The following SLIT1 variants were observed in gnomAD, a reference collection of about 807,000 sequenced individuals.
SLIT1 encodes slit guidance ligand 1, also known as slit homolog 1 protein.
Under a neutral mutation model 186.1 loss-of-function variants are expected in SLIT1, and 66 were observed. That is an observed-to-expected ratio of 0.35 (90% CI 0.29 to 0.44). SLIT1 has a LOEUF of 0.44. SLIT1 is among the 20% of genes least tolerant of loss of function. The pLI, the probability that SLIT1 is intolerant of heterozygous loss-of-function variation, is 1.00. For missense variants in SLIT1, 1,638 were observed against 2,037.4 expected, an observed-to-expected ratio of 0.80 and a Z score of 3.77; for synonymous variants, 761 against 833.8, an observed-to-expected ratio of 0.91 and a Z score of 1.50.
intron 14 of SLIT1, among the ~76,000 whole-genome samples, chr10:97,048,494 G>T (rs559476265): frequency 6.6e-6 from 1 of 152,282 alleles, no homozygotes; most frequent in South Asian, 2.1e-4. Context: ...AAGAGAACTG[G>T]CTAAAAGTGG....
chr10:97,018,608 C>T lies in SLIT1; in HGVS notation c.2947G>A (p.Glu983Lys). The change falls in exon 28 of 37, where the codon GAG (glutamate) becomes AAG (lysine). Residue 983 changes from glutamate to lysine, a missense_variant. By Grantham distance (56) the Glu-to-Lys change is moderately conservative. Transcript: ENST00000266058. ...CENGGTCHAQEGEDAPFTCSC... is the reference protein window; with the variant it reads ...CENGGTCHAQKGEDAPFTCSC... ...CACGTGAACGGGGCATCCTCGCCCTCCTGTGCATGGCAGGTGCCCCCATTT... is the reference window on the plus strand; with the variant it reads ...CACGTGAACGGGGCATCCTCGCCCTTCTGTGCATGGCAGGTGCCCCCATTT... 6.3e-7 allele frequency: 1 copy of T among 1,591,860 alleles called. No homozygotes were observed. Among genetic ancestry groups the T allele is most frequent in the Non-Finnish European group, 8.6e-7 (1 of 1,169,208 alleles).
chr10:97,057,061 C>T (rs1031172440), intron 12 of SLIT1, 149 bp downstream of exon 12: 1 of 625,326 alleles, frequency 1.6e-6, no homozygotes. Context: ...TGGAGACTTT[C>T]TCAGCCCTAG....
At chr10:97,059,878 G>A (rs1405259859) in intron 10 of SLIT1, among the ~76,000 whole-genome samples, 2 of 152,182 alleles carry the variant, frequency 1.3e-5, no homozygotes, top group Admixed American at 6.5e-5. Flanking sequence ...CCAGGCTCAG[G>A]CTCAGCACTC....
rs1391340902 is a variant in SLIT1 at position 97,105,701 on chromosome 10, AG to A, written c.414-39616del. ...TCACAGGACCACAGGGCATCTCCGC[AG>A]GGTCTTAATTAAGGAACTTGAGGTG... On this transcript the variant is annotated intron_variant, in intron 4 of 36. Coordinates refer to ENST00000266058, the MANE Select transcript of SLIT1 (RefSeq NM_003061.3). Among the ~76,000 whole-genome samples, 40 of 152,326 alleles carry A rather than the reference AG, an allele frequency of 2.6e-4. 1 individual carries two copies. Among genetic ancestry groups the A allele is most frequent in the African/African-American group, 8.4e-4 (35 of 41,574 alleles).
At chr10:97,001,699 C>G (rs2134583926) in intron 36 of SLIT1, among the ~76,000 whole-genome samples, 1 of 152,122 alleles carries the variant, frequency 6.6e-6, no homozygotes, top group African/African-American at 2.4e-5. Context: ...CCTAGGGGAC[C>G]CTTAAGGTGC....
At chr10:97,160,760 G>A (rs550924165) in intron 3 of SLIT1, among the ~76,000 whole-genome samples, 3 of 152,156 alleles carry the variant, frequency 2.0e-5, no homozygotes, top group African/African-American at 7.2e-5. Flanking sequence ...TTGCTCTGTC[G>A]CCCAGGCTGG....
intron 25 of SLIT1, among the ~76,000 whole-genome samples, chr10:97,029,165 C>T (rs1848570464): frequency 6.6e-6 from 1 of 152,220 alleles, no homozygotes; most frequent in African/African-American, 2.4e-5. Flanking sequence ...AGGGCAACAC[C>T]TGTTACTATT....
At chr10:97,073,764 C>T (rs567615444) in intron 4 of SLIT1, among the ~76,000 whole-genome samples, 13 of 151,432 alleles carry the variant, frequency 8.6e-5, no homozygotes, top group African/African-American at 2.9e-4. Flanking sequence ...CGTGTGGTCT[C>T]GGGCAAGTCA....
chr10:97,047,556 T>C (rs1848744714), intron 16 of SLIT1, 134 bp downstream of exon 16: 2 of 855,138 alleles, frequency 2.3e-6, no homozygotes, highest in Admixed American at 4.4e-5. Flanking sequence ...AAGCCAGCAG[T>C]TGGTATGTCC....
chr10:97,105,662 C>T (rs1436840983), intron 4 of SLIT1, among the ~76,000 whole-genome samples: 1 of 152,178 alleles, frequency 6.6e-6, no homozygotes, highest in East Asian at 1.9e-4. Context: ...ACTGCCTAAC[C>T]AGATGTGGAT....
chr10:97,150,437 G>A (rs1464535521), intron 4 of SLIT1, among the ~76,000 whole-genome samples: 1 of 152,150 alleles, frequency 6.6e-6, no homozygotes, highest in Non-Finnish European at 1.5e-5. Flanking sequence ...AGACAGGGTC[G>A]ATAGGGTCAG....
At chr10:97,124,774 A>G (rs1589402774) in intron 4 of SLIT1, among the ~76,000 whole-genome samples, 1 of 152,306 alleles carries the variant, frequency 6.6e-6, no homozygotes, top group Non-Finnish European at 1.5e-5. Context: ...CATTAGAAGA[A>G]TCACTAAACC....
Position 97,060,826 on chromosome 10 carries a change from A to C in SLIT1, c.794-39T>G, listed in dbSNP as rs1249036733. 7 of 1,535,500 alleles carry C rather than the reference A, an allele frequency of 4.6e-6. No homozygotes were observed. In the East Asian group the frequency reaches 7.0e-5, roughly 15 times the overall value. On this transcript the variant is annotated intron_variant, in intron 8 of 36. Transcript: ENST00000266058. ...GGGGTGTGGCCTCAGGCTGTCATGC[A>C]TCAGCACCTCCCTTGAGCCCAGATA...
chr10:97,021,919 C>T lies in SLIT1; in HGVS notation c.2583-506G>A, dbSNP rs1848505614. On this transcript the variant is annotated intron_variant, in intron 25 of 36. Transcript: ENST00000266058. The surrounding 1 kb of genome is among the most constrained non-coding windows in gnomAD (Gnocchi z 4.5). The stretch of plus-strand genomic sequence containing the variant: ...TGTCTCACTTAGTCATCACCACACG[C>T]TACTATTCTCATTTTACATGTGCAG... Among the ~76,000 whole-genome samples, 2 of 152,168 alleles carry T rather than the reference C, an allele frequency of 1.3e-5. No homozygotes were observed. The highest frequency in any genetic ancestry group is 6.5e-5 in the Admixed American group (1 of 15,280).
intron 4 of SLIT1, among the ~76,000 whole-genome samples, chr10:97,069,306 G>A (rs750497476): frequency 1.3e-5 from 2 of 152,232 alleles, no homozygotes; most frequent in African/African-American, 4.8e-5. Flanking sequence ...ACAGGCACCA[G>A]TGACCGGGCT....
chr10:97,091,934 G>T (rs1400935225), intron 4 of SLIT1, among the ~76,000 whole-genome samples: 1 of 152,238 alleles, frequency 6.6e-6, no homozygotes, highest in Non-Finnish European at 1.5e-5. Flanking sequence ...GAGAAGTCTT[G>T]CTCACAATTC....
Position 97,185,754 on chromosome 10 carries a change from A to G in SLIT1, c.-80T>C. ...CCCGTCCGGGGCCGCCTCCAGGTGCAGTCCCGGGGCAGAGCCACCGAAGAG... is the reference window on the plus strand; with the variant it reads ...CCCGTCCGGGGCCGCCTCCAGGTGCGGTCCCGGGGCAGAGCCACCGAAGAG... On this transcript the variant is annotated 5_prime_UTR_variant, in exon 1 of 37. Coordinates refer to ENST00000266058, the MANE Select transcript of SLIT1 (RefSeq NM_003061.3). 1 of 1,274,334 alleles carries G rather than the reference A, an allele frequency of 7.8e-7. No individual in the cohort carries two copies. The highest frequency in any genetic ancestry group is 1.6e-5 in the South Asian group (1 of 61,770). 78.9% of individuals were successfully genotyped at this position (1,274,334 alleles called of 1,614,324 possible).
chr10:97,047,897 C>T (rs1224934410), intron 15 of SLIT1, 63 bp from the exon 16 acceptor site: 1 of 1,613,350 alleles, frequency 6.2e-7, no homozygotes, highest in East Asian at 2.2e-5. Flanking sequence ...CAGTTTGGGT[C>T]AACCAAGGCC....
Position 97,043,394 on chromosome 10 carries a change from T to C in SLIT1, c.1973A>G (p.Asp658Gly), listed in dbSNP as rs1240023064. ...CAGTGTGGAGAGGGACTGGAGGGTG[T>C]CGAAGGCTCCTGGGGATACGGTGGT... ...QITTVSPGAFDTLQSLSTLNL... is the reference protein window; with the variant it reads ...QITTVSPGAFGTLQSLSTLNL... The change falls in exon 19 of 37, where the codon GAC becomes GGC. Residue 658 changes from aspartate (D) to glycine (G), a missense_variant. Asp to Gly is a moderately conservative substitution (Grantham distance 94). This residue lies in a region of SLIT1 where 1,245 missense variants were observed against 1,535.3 expected (regional missense o/e 0.81). Coordinates refer to ENST00000266058, the MANE Select transcript of SLIT1 (RefSeq NM_003061.3). This position sits in a 1 kb window ranked among gnomAD's most constrained non-coding sequence, Gnocchi z 7.0. 1 of 1,613,576 alleles carries C rather than the reference T, an allele frequency of 6.2e-7. No individual in the cohort carries two copies. Among genetic ancestry groups the C allele is most frequent in the Admixed American group, 1.7e-5 (1 of 60,010 alleles).
Sources: gnomAD v4.1 joint callset for allele counts (sites outside exome capture counted in the v4.1 genomes callset) on GRCh38, gnomAD v4.1.1 for gene constraint, gnomAD v4.1.1 regional missense constraint, Gnocchi (gnomAD v3.1) non-coding constraint, MANE v1.5 for transcripts, NCBI Gene and HGNC (gene_info 2026-07-23, HGNC 2026-07-21) for gene names.